TUB: variants seen among roughly 807,000 people sequenced by gnomAD.
The protein encoded by TUB is TUB bipartite transcription factor.
In TUB, 33 loss-of-function variants were observed where a neutral mutation model predicts 59.7. That is an observed-to-expected ratio of 0.55 (90% CI 0.42 to 0.74). The LOEUF (loss-of-function observed/expected upper bound fraction) is 0.74, where lower values mean the gene tolerates loss of function less well. Among genes scored for constraint, TUB ranks in the 30% least tolerant of loss-of-function variants. The pLI is 0.00. For synonymous variants in TUB, 293 were observed against 256.4 expected (o/e 1.14, Z -1.36); for missense variants, 659 against 672.0 (o/e 0.98, Z 0.21).
At chr11:8,040,651 CAGT>C (rs1942735197) in intron 2 of TUB, among the ~76,000 whole-genome samples, 1 of 152,096 alleles carries the variant, frequency 6.6e-6, no homozygotes, top group Non-Finnish European at 1.5e-5. Context: ...AAGAGAAAGA[CAGT>C]GGTGTGGGGG....
chr11:8,072,222 C>T (rs1447880755), intron 2 of TUB, among the ~76,000 whole-genome samples: 3 of 152,204 alleles, frequency 2.0e-5, no homozygotes. Context: ...GGCGTGATCT[C>T]ACCTGAGGAA....
At chr11:8,088,802 A>C (rs1177973682) in intron 1 of TUB, among the ~76,000 whole-genome samples, 1 of 152,218 alleles carries the variant, frequency 6.6e-6, no homozygotes, top group African/African-American at 2.4e-5. Context: ...CCTCAGAGGC[A>C]TGGCCAGTGC....
Position 8,104,629 on chromosome 11 carries a change from C to T in TUB, c.*3010C>T, listed in dbSNP as rs1360848216. On this transcript the variant is annotated 3_prime_UTR_variant, in exon 12 of 12. Transcript: ENST00000299506. ...ATACCTGGGAAGATACCAGCTTTTTCTCTCAGGGTTCTGAGTCAGAGGACA... is the reference window on the plus strand; with the variant it reads ...ATACCTGGGAAGATACCAGCTTTTTTTCTCAGGGTTCTGAGTCAGAGGACA... 1 of 152,204 alleles carries T rather than the reference C, an allele frequency of 6.6e-6. No individual in the cohort carries two copies. Among genetic ancestry groups the T allele is most frequent in the Non-Finnish European group, 1.5e-5 (1 of 68,008 alleles). 9.4% of individuals were successfully genotyped at this position (152,204 alleles called of 1,614,324 possible).
At chr11:8,019,464 C>T in intron 1 of TUB, 1 of 1,161,898 alleles carries the variant, frequency 8.6e-7, no homozygotes, top group Non-Finnish European at 1.1e-6. Flanking sequence ...GCCCGACCCC[C>T]AGGGTGGGCT....
chr11:8,089,762 T>G, intron 2 of TUB, 101 bp downstream of exon 2: 2 of 1,458,524 alleles, frequency 1.4e-6, no homozygotes, highest in Non-Finnish European at 1.9e-6. Context: ...TCCCGTCTGA[T>G]TGGGGGATGG....
chr11:8,029,471 C>G (rs1388213861), intron 1 of TUB, among the ~76,000 whole-genome samples: 1 of 150,778 alleles, frequency 6.6e-6, no homozygotes, highest in East Asian at 2.0e-4. Context: ...TCACTGCAAC[C>G]TCTGCCTCTC....
At chr11:8,097,569 C>CT in intron 7 of TUB, 144 bp downstream of exon 7, 1 of 1,344,978 alleles carries the variant, frequency 7.4e-7, no homozygotes, top group Non-Finnish European at 1.0e-6. Context: ...CTGTGCACAT[C>CT]TTTGTGTTTT....
At chr11:8,040,073 A>T (rs1942722022) in intron 2 of TUB, among the ~76,000 whole-genome samples, 1 of 152,206 alleles carries the variant, frequency 6.6e-6, no homozygotes, top group African/African-American at 2.4e-5. Context: ...CTAGGACCAC[A>T]GAGGGAATCA....
At position 8,101,472 on chromosome 11, in the gene TUB, G is replaced by C; in HGVS notation, c.1388-14G>C. On this transcript the variant is annotated splice_polypyrimidine_tract_variant and intron_variant, in intron 11 of 11. Coordinates refer to ENST00000299506, the MANE Select transcript of TUB (RefSeq NM_177972.3). The stretch of plus-strand genomic sequence containing the variant: ...CCTGTCCTTTTCTCTGTCTGTGCCT[G>C]TGCTTGGCCCCAGCGGACTACATCG... 6.2e-7 allele frequency: 1 copy of C among 1,614,058 alleles called. No homozygotes were observed. Among genetic ancestry groups the C allele is most frequent in the Non-Finnish European group, 8.5e-7 (1 of 1,180,008 alleles).
chr11:8,098,691 C>A, intron 8 of TUB, 67 bp from the exon 9 acceptor site: 2 of 1,237,156 alleles, frequency 1.6e-6, no homozygotes, highest in Non-Finnish European at 2.4e-6. Flanking sequence ...ATAGGACAGA[C>A]GATGAGCTGT....
rs924115980 is a variant in TUB at position 8,085,885 on chromosome 11, C to T, written c.39-3725C>T. Among the ~76,000 whole-genome samples, 7 of 152,274 alleles carry T rather than the reference C, an allele frequency of 4.6e-5. No individual in the cohort carries two copies. The East Asian group carries it at 1.4e-3, about 29-fold the overall frequency. The stretch of plus-strand genomic sequence containing the variant: ...TGTGTCCTTGCCCCTTGTTGTCAAT[C>T]GTGGATGACTGCTCTGATATCTGTG... On this transcript the variant is annotated intron_variant, in intron 1 of 11. Transcript: ENST00000299506.
chr11:8,043,852 AG>A (rs1942789811), intron 2 of TUB, among the ~76,000 whole-genome samples: 1 of 152,172 alleles, frequency 6.6e-6, no homozygotes, highest in Admixed American at 6.5e-5. Context: ...TTGTATGAGT[AG>A]AGATAGTTTT....
chr11:8,072,760 A>C (rs566595857), intron 2 of TUB, among the ~76,000 whole-genome samples: 70 of 152,380 alleles, frequency 4.6e-4, no homozygotes, highest in African/African-American at 1.7e-3. Flanking sequence ...CTGGTCACCC[A>C]GTGAGTTAGC....
At chr11:8,080,503 G>T (rs1943528405), upstream of TUB, among the ~76,000 whole-genome samples, 1 of 152,206 alleles carries the variant, frequency 6.6e-6, no homozygotes, top group African/African-American at 2.4e-5. Flanking sequence ...GGCTTTGGAG[G>T]ACACAGATCA....
chr11:8,070,714 G>A (rs899151348), intron 2 of TUB, among the ~76,000 whole-genome samples: 10 of 152,286 alleles, frequency 6.6e-5, no homozygotes, highest in Non-Finnish European at 1.3e-4. Context: ...TTTGGCTTGC[G>A]GGGCAGGGAT....
intron 1 of TUB, among the ~76,000 whole-genome samples, chr11:8,024,287 A>C (rs1466832538): frequency 1.3e-5 from 2 of 152,156 alleles, no homozygotes; most frequent in African/African-American, 4.8e-5. Flanking sequence ...TAACACTAGA[A>C]TCCTACAACA....
intron 2 of TUB, among the ~76,000 whole-genome samples, chr11:8,054,203 G>T (rs902365675): frequency 2.0e-5 from 3 of 152,160 alleles, no homozygotes; most frequent in African/African-American, 7.2e-5. Context: ...AACATTTCCA[G>T]TTTCTTCTAT....
intron 2 of TUB, among the ~76,000 whole-genome samples, chr11:8,065,520 G>T (rs1011855192): frequency 1.3e-5 from 2 of 152,222 alleles, no homozygotes; most frequent in African/African-American, 4.8e-5. Flanking sequence ...GGGCAGTCAA[G>T]AAGATTGAAT....
rs1395293008 is a variant in TUB, at chr11:8,094,114, A to C, written c.322A>C (p.Lys108Gln). The C allele has an allele frequency of 6.2e-7, 1 of 1,614,036 alleles. No individual in the cohort carries two copies. The highest frequency in any genetic ancestry group is 1.3e-5 in the African/African-American group (1 of 74,920). ...ATRPTAPASAKRTKAAATAGG... is the reference protein window; with the variant it reads ...ATRPTAPASAQRTKAAATAGG... The stretch of plus-strand genomic sequence containing the variant: ...GCGCCCAACAGCACCAGCTTCAGCC[A>C]AGAGAACCAAGGCGGCAGCTACAGC... Residue 108 changes from lysine (K) to glutamine (Q), a missense_variant, in exon 4 of 12, where the codon AAG (lysine) becomes CAG (glutamine). Lys to Gln is a moderately conservative substitution (Grantham distance 53). Around this residue, in one of 3 missense-constraint regions of TUB, gnomAD observed 321 missense variants for 304.3 expected, o/e 1.05. Transcript: ENST00000299506.
Sources: gnomAD v4.1 joint callset for allele counts (sites outside exome capture counted in the v4.1 genomes callset) on GRCh38, gnomAD v4.1.1 for gene constraint, gnomAD v4.1.1 regional missense constraint, MANE v1.5 for transcripts, NCBI Gene and HGNC (gene_info 2026-07-23, HGNC 2026-07-21) for gene names.